Variants in RBFOX3 observed in about 807,000 individuals in gnomAD.
The protein encoded by RBFOX3 is RNA binding protein fox-1 homolog 3.
RBFOX3 carries 17 observed loss-of-function variants against 48.7 expected under a neutral mutation model. The observed-to-expected ratio is 0.35, with a 90% CI of 0.24 to 0.52. The LOEUF is 0.52. Among genes scored for constraint, RBFOX3 ranks in the 20% least tolerant of loss-of-function variants. RBFOX3 has a pLI of 0.94. For synonymous variants in RBFOX3, 212 were observed against 209.5 expected (o/e 1.01, Z -0.10); for missense variants, 382 against 497.5 (o/e 0.77, Z 2.21).
chr17:79,196,221 TAAG>T (rs1207128685), intron 4 of RBFOX3, among the ~76,000 whole-genome samples: 1 of 152,064 alleles, frequency 6.6e-6, no homozygotes, highest in African/African-American at 2.4e-5. Context: ...CTTGAGCTCC[TAAG>T]AAGACTGTAG....
At chr17:79,566,131 G>T (rs74188663) in intron 1 of RBFOX3, among the ~76,000 whole-genome samples, 1 of 151,908 alleles carries the variant, frequency 6.6e-6, no homozygotes, top group African/African-American at 2.4e-5. Flanking sequence ...GCAGCCACAA[G>T]GAACAGGGAG....
intron 4 of RBFOX3, among the ~76,000 whole-genome samples, chr17:79,228,673 C>T (rs575898020): frequency 4.1e-4 from 62 of 152,310 alleles, no homozygotes; most frequent in Admixed American, 1.5e-3. Context: ...GCATCCCTGA[C>T]GTGGAGCAAA....
intron 1 of RBFOX3, among the ~76,000 whole-genome samples, chr17:79,609,991 CGAGGCCCTGGGGGTGGCCGAGGCTTCAGA>C (rs1325669652): frequency 4.6e-5 from 7 of 152,002 alleles, no homozygotes; most frequent in Non-Finnish European, 7.4e-5. Flanking sequence ...CCGCGCTGCT[CGAGGCCCTGGGGGTGGCCGAGGCTTCAGA>C]GAGGCAGCCT....
chr17:79,292,684 C>T (rs1361840768), intron 3 of RBFOX3, among the ~76,000 whole-genome samples: 4 of 152,100 alleles, frequency 2.6e-5, no homozygotes, highest in African/African-American at 4.8e-5. Flanking sequence ...GGGCTGCTTT[C>T]GCTGTGTAAT....
intron 2 of RBFOX3, among the ~76,000 whole-genome samples, chr17:79,452,781 C>G (rs943939997): frequency 6.6e-6 from 1 of 152,158 alleles, no homozygotes; most frequent in Non-Finnish European, 1.5e-5. Context: ...GCAGGCCCGG[C>G]AGGGTCAGGA....
At position 79,254,323 on chromosome 17, in the gene RBFOX3, G is replaced by T. The variant is rs902348022; in HGVS notation, c.-73-18518C>A. On this transcript the variant is annotated intron_variant, in intron 3 of 14. Coordinates refer to ENST00000693108, the MANE Select transcript of RBFOX3 (RefSeq NM_001350451.2). This position sits in a 1 kb window ranked among gnomAD's most constrained non-coding sequence, Gnocchi z 4.8. ...CCTCGTTCAGAACCCTGCCCACCCC[G>T]CAACCCCCAGGTGGCAGCAGGTGAG... Among the ~76,000 whole-genome samples, 1 of 151,964 alleles carries T rather than the reference G, an allele frequency of 6.6e-6. No individual in the cohort carries two copies. The highest frequency in any genetic ancestry group is 1.5e-5 in the Non-Finnish European group (1 of 67,988).
chr17:79,626,621 G>T, the RBFOX3 span, among the ~76,000 whole-genome samples: 1 of 152,232 alleles, frequency 6.6e-6, no homozygotes, highest in Non-Finnish European at 1.5e-5. Flanking sequence ...CCCGGGCTGG[G>T]TGTGAGTCTG....
intron 2 of RBFOX3, among the ~76,000 whole-genome samples, chr17:79,377,900 C>A (rs2059415545): frequency 6.6e-6 from 1 of 152,170 alleles, no homozygotes; most frequent in South Asian, 2.1e-4. Context: ...GGGGGCAGGG[C>A]ATATCTCCGT....
chr17:79,217,530 C>A (rs2059209960), intron 4 of RBFOX3, among the ~76,000 whole-genome samples: 2 of 152,136 alleles, frequency 1.3e-5, no homozygotes, highest in Admixed American at 1.3e-4. Flanking sequence ...CAAGACCCAG[C>A]CAGGGTGCTC....
chr17:79,357,859 T>C (rs539961503), intron 2 of RBFOX3, among the ~76,000 whole-genome samples: 6 of 151,656 alleles, frequency 4.0e-5, no homozygotes, highest in Non-Finnish European at 8.8e-5. Flanking sequence ...ATTAAGTTCA[T>C]TTTTTTAAAA....
the RBFOX3 span, among the ~76,000 whole-genome samples, chr17:79,627,879 G>A: frequency 1.3e-5 from 2 of 152,136 alleles, no homozygotes; most frequent in Admixed American, 6.5e-5. Context: ...GAGGGCTTAC[G>A]TTCTCAAGAT....
intron 1 of RBFOX3, among the ~76,000 whole-genome samples, chr17:79,560,223 G>A (rs1160866620): frequency 6.6e-6 from 1 of 152,082 alleles, no homozygotes; most frequent in Admixed American, 6.6e-5. Context: ...ATGGTTGCTG[G>A]GTGGTCACCG....
At chr17:79,244,040 T>C (rs115820260) in intron 3 of RBFOX3, among the ~76,000 whole-genome samples, 6,654 of 152,180 alleles carry the variant, frequency 0.044, 184 homozygotes, top group East Asian at 0.12. Flanking sequence ...CTTCCACACA[T>C]GAAGGAGATA....
Position 79,531,933 on chromosome 17 carries a change from C to T in RBFOX3, c.-319-49335G>A, listed in dbSNP as rs2087847701. Among the ~76,000 whole-genome samples, 5 of 152,212 alleles carry T rather than the reference C, an allele frequency of 3.3e-5. No homozygotes were observed. The South Asian group carries it at 8.3e-4, about 25-fold the overall frequency. On this transcript the variant is annotated intron_variant, in intron 1 of 14. Transcript: ENST00000693108. ...CCGCACACAGCAGGCTGGACAGTGC[C>T]GGCCTGCAGCAAACCCTGCAAGAGG...
chr17:79,432,951 C>T (rs762270128), intron 2 of RBFOX3, among the ~76,000 whole-genome samples: 4 of 152,134 alleles, frequency 2.6e-5, no homozygotes, highest in South Asian at 2.1e-4. Context: ...AGAATCCGGT[C>T]GCTCTCCTCC....
chr17:79,132,135 A>G lies in RBFOX3; in HGVS notation c.-33-16387T>C, dbSNP rs192955438. ...GGGAGGTGAGTTCACCTCGATGGTCAATCAGACGGACGGAAACACCAACAG... is the reference window on the plus strand; with the variant it reads ...GGGAGGTGAGTTCACCTCGATGGTCGATCAGACGGACGGAAACACCAACAG... On this transcript the variant is annotated intron_variant, in intron 4 of 14. Coordinates refer to ENST00000693108, the MANE Select transcript of RBFOX3 (RefSeq NM_001350451.2). 1.2e-3 allele frequency among the ~76,000 whole-genome samples: 184 copies of G among 152,062 alleles called. 1 individual carries two copies. The highest frequency in any genetic ancestry group is 4.3e-3 in the African/African-American group (180 of 41,480).
At chr17:79,194,753 G>GTGT (rs1555599582) in intron 4 of RBFOX3, among the ~76,000 whole-genome samples, 7,647 of 149,084 alleles carry the variant, frequency 0.051, 230 homozygotes, top group South Asian at 0.094. Context: ...TGTGTGTGTG[G>GTGT]GTGTGTGTGT....
At chr17:79,130,202 C>A (rs2143123045) in intron 4 of RBFOX3, among the ~76,000 whole-genome samples, 1 of 152,300 alleles carries the variant, frequency 6.6e-6, no homozygotes, top group Non-Finnish European at 1.5e-5. Context: ...CATTCAGGGA[C>A]CATTAGGTCT....
At chr17:79,628,965 T>C in the RBFOX3 span, among the ~76,000 whole-genome samples, 23 of 152,344 alleles carry the variant, frequency 1.5e-4, no homozygotes, top group African/African-American at 5.5e-4. Context: ...TGATCCACTT[T>C]GCTATTTGCC....
Sources: gnomAD v4.1 joint callset for allele counts (sites outside exome capture counted in the v4.1 genomes callset) on GRCh38, gnomAD v4.1.1 for gene constraint, Gnocchi (gnomAD v3.1) non-coding constraint, MANE v1.5 for transcripts, NCBI Gene and HGNC (gene_info 2026-07-23, HGNC 2026-07-21) for gene names.